VPS13C: variants seen among roughly 807,000 people sequenced by gnomAD.
VPS13C encodes intermembrane lipid transfer protein VPS13C.
In VPS13C, 358 loss-of-function variants were observed where a neutral mutation model predicts 456.8. The observed-to-expected ratio is 0.78, with a 90% CI of 0.72 to 0.86. The LOEUF is 0.86. VPS13C is among the 40% of genes least tolerant of loss of function. VPS13C has a pLI of 0.00. For synonymous variants in VPS13C, 1,578 were observed against 1,486.7 expected, an observed-to-expected ratio of 1.06 and a Z score of -1.41; for missense variants, 4,818 against 4,385.4, an observed-to-expected ratio of 1.10 and a Z score of -2.79.
At chr15:62,035,629 C>A (rs1238173978) in intron 3 of VPS13C, among the ~76,000 whole-genome samples, 2 of 151,840 alleles carry the variant, frequency 1.3e-5, no homozygotes, top group East Asian at 3.9e-4. Flanking sequence ...GACAGCATAC[C>A]AAATTGTCAC....
At chr15:61,954,901 C>T (rs2044933918) in intron 37 of VPS13C, among the ~76,000 whole-genome samples, 3 of 152,056 alleles carry the variant, frequency 2.0e-5, no homozygotes, top group Non-Finnish European at 4.4e-5. Context: ...CCTCCTCACA[C>T]GGTGGAGACA....
At chr15:61,859,218 A>C (rs960983861) in intron 82 of VPS13C, among the ~76,000 whole-genome samples, 24 of 151,966 alleles carry the variant, frequency 1.6e-4, no homozygotes, top group African/African-American at 5.8e-4. Flanking sequence ...AAAAATACAA[A>C]AAATTAGCTG....
At chr15:62,031,930 CACG>C (rs2047833538) in intron 5 of VPS13C, among the ~76,000 whole-genome samples, 1 of 151,646 alleles carries the variant, frequency 6.6e-6, no homozygotes, top group African/African-American at 2.4e-5. Context: ...GACTATATAC[CACG>C]ACTTTTCTTA....
chr15:61,865,770 GTATA>G, intron 81 of VPS13C: 1 of 653,916 alleles, frequency 1.5e-6, no homozygotes, highest in Non-Finnish European at 1.9e-6. Flanking sequence ...ATGTACGTGT[GTATA>G]TATGTATGTG....
At chr15:61,936,308 A>G (rs938237228) in intron 48 of VPS13C, among the ~76,000 whole-genome samples, 1 of 152,078 alleles carries the variant, frequency 6.6e-6, no homozygotes, top group Non-Finnish European at 1.5e-5. Flanking sequence ...TACACTGCCT[A>G]TCTAGCTTGA....
rs551357276 is a variant in VPS13C, at chr15:61,897,718, C to G, written c.9106-7318G>C. Among the ~76,000 whole-genome samples, 4 of 152,196 alleles carry G rather than the reference C, an allele frequency of 2.6e-5. No homozygotes were observed. The South Asian group carries it at 8.3e-4, about 32-fold the overall frequency. ...GGAGAACTTCCCCAATCTAGTAAGA[C>G]AGGCCAACGTTCAGATACAGGAAAT... On this transcript the variant is annotated intron_variant, in intron 66 of 84. Transcript: ENST00000644861.
At chr15:61,866,170 T>C in intron 81 of VPS13C, 1 of 985,020 alleles carries the variant, frequency 1.0e-6, no homozygotes, top group Non-Finnish European at 1.2e-6. Context: ...AATATTTCAA[T>C]TATCCATGCC....
intron 17 of VPS13C, 107 bp downstream of exon 17, chr15:61,991,566 A>G: frequency 7.7e-7 from 1 of 1,293,712 alleles, no homozygotes. Context: ...TACTGAGGTA[A>G]TTTATTTCAA....
At chr15:61,948,990 C>T (rs1007188677) in intron 42 of VPS13C, among the ~76,000 whole-genome samples, 2 of 152,092 alleles carry the variant, frequency 1.3e-5, no homozygotes, top group Non-Finnish European at 2.9e-5. Context: ...TGGCTAGAAA[C>T]CAATATGAGT....
chr15:61,950,537 A>C, intron 40 of VPS13C, 120 bp from the exon 41 acceptor site: 1 of 780,880 alleles, frequency 1.3e-6, no homozygotes, highest in Non-Finnish European at 2.0e-6. Flanking sequence ...ATATTTCCTA[A>C]AGGCAAAGAA....
intron 66 of VPS13C, among the ~76,000 whole-genome samples, chr15:61,903,813 C>T (rs564634104): frequency 7.9e-5 from 12 of 152,156 alleles, no homozygotes; most frequent in African/African-American, 2.7e-4. Context: ...ATAGAGAACC[C>T]GGAAATAAAT....
rs2042613283 is a variant in VPS13C, at chr15:61,890,402, T to C, written c.9106-2A>G. 6.2e-7 allele frequency: 1 copy of C among 1,612,298 alleles called. No individual in the cohort carries two copies. Among genetic ancestry groups the C allele is most frequent in the Non-Finnish European group, 8.5e-7 (1 of 1,178,680 alleles). On this transcript the variant is annotated splice_acceptor_variant, in intron 66 of 84. Coordinates refer to ENST00000644861, the MANE Select transcript of VPS13C (RefSeq NM_020821.3). LOFTEE classifies it high-confidence loss of function. ...ATATGGAAACTGTCCACATCCATCCTGGGAAGAAGAAAGACTTCATTAAAC... is the reference window on the plus strand; with the variant it reads ...ATATGGAAACTGTCCACATCCATCCCGGGAAGAAGAAAGACTTCATTAAAC...
intron 66 of VPS13C, among the ~76,000 whole-genome samples, chr15:61,898,350 G>C (rs1464113796): frequency 1.3e-5 from 2 of 151,922 alleles, no homozygotes; most frequent in Non-Finnish European, 1.5e-5. Context: ...GCTGTATTCA[G>C]GAAACCCATC....
chr15:61,982,909 C>G (rs542303803), intron 20 of VPS13C, among the ~76,000 whole-genome samples: 2 of 152,166 alleles, frequency 1.3e-5, no homozygotes, highest in Non-Finnish European at 2.9e-5. Context: ...TAATTAGATT[C>G]CCTTGCACTT....
chr15:61,997,466 T>C (rs771246689), intron 16 of VPS13C, among the ~76,000 whole-genome samples: 8 of 152,152 alleles, frequency 5.3e-5, no homozygotes, highest in African/African-American at 7.2e-5. Flanking sequence ...CAGACTCCTC[T>C]TCTGAACTCC....
chr15:61,946,522 T>A, intron 43 of VPS13C, 112 bp from the exon 44 acceptor site: 1 of 633,096 alleles, frequency 1.6e-6, no homozygotes, highest in South Asian at 4.1e-5. Context: ...AAATTACTCA[T>A]TATAAGACAC....
At chr15:61,950,278 C>T in intron 41 of VPS13C, 80 bp downstream of exon 41, 1 of 1,030,466 alleles carries the variant, frequency 9.7e-7, no homozygotes, top group Non-Finnish European at 1.5e-6. Context: ...TTAGAACTTA[C>T]AATCTCACAG....
chr15:61,905,664 GTTTC>G (rs1179867913), intron 66 of VPS13C, among the ~76,000 whole-genome samples: 5 of 151,792 alleles, frequency 3.3e-5, no homozygotes, highest in East Asian at 3.9e-4. Context: ...ACTTTCTTAG[GTTTC>G]TTTCTTTTAC....
intron 48 of VPS13C, chr15:61,935,835 A>C (rs2140239333): frequency 6.6e-6 from 1 of 152,338 alleles, no homozygotes; most frequent in Non-Finnish European, 1.5e-5. Context: ...TGGTAGTTTT[A>C]CCGATTACTG....
Sources: allele counts gnomAD v4.1 joint callset (sites outside exome capture counted in the v4.1 genomes callset), GRCh38; gene constraint gnomAD v4.1.1; transcripts MANE v1.5; gene names NCBI Gene and HGNC (gene_info 2026-07-23, HGNC 2026-07-21).